Variants in UACA observed in about 807,000 individuals in gnomAD.
UACA encodes the protein nuclear membrane binding protein.
Under a neutral mutation model 160.5 loss-of-function variants are expected in UACA, and 112 were observed. The observed-to-expected ratio is 0.70, with a 90% CI of 0.60 to 0.82. The LOEUF (loss-of-function observed/expected upper bound fraction) is 0.82, where lower values mean the gene tolerates loss of function less well. UACA is among the 40% of genes least tolerant of loss of function. The pLI, the probability that UACA is intolerant of heterozygous loss-of-function variation, is 0.00. For synonymous variants in UACA, 557 were observed against 568.4 expected (o/e 0.98, Z 0.29); for missense variants, 1,574 against 1,614.6 (o/e 0.97, Z 0.43).
chr15:70,760,073 CTCAAA>C (rs1055867612), intron 1 of UACA, among the ~76,000 whole-genome samples: 3 of 151,974 alleles, frequency 2.0e-5, no homozygotes, highest in African/African-American at 7.3e-5. Context: ...AAAATTTTAT[CTCAAA>C]TCAAAGTTGT....
At chr15:70,747,103 T>C (rs953964979) in intron 1 of UACA, among the ~76,000 whole-genome samples, 3 of 152,162 alleles carry the variant, frequency 2.0e-5, no homozygotes, top group East Asian at 1.9e-4. Flanking sequence ...GTTCTGCACA[T>C]GTATCCCAGA....
At position 70,684,309 on chromosome 15, in the gene UACA, T is replaced by A. The variant is rs1897625562; in HGVS notation, c.740A>T (p.Asp247Val). 6.2e-7 allele frequency: 1 copy of A among 1,613,606 alleles called. No homozygotes were observed. The highest frequency in any genetic ancestry group is 8.5e-7 in the Non-Finnish European group (1 of 1,179,782). ...TGCAGTCTTCAACAAGGTTAGAATG[T>A]CCAGATTGTCACCAATTCTTGCATA... Reference protein sequence around the residue: ...SYYARIGDNLDILTLLKTASE... With the variant: ...SYYARIGDNLVILTLLKTASE... Residue 247 changes from aspartate to valine, a missense_variant, in exon 8 of 19, where the codon GAC becomes GTC. Coordinates refer to ENST00000322954, the MANE Select transcript of UACA (RefSeq NM_018003.4).
intron 1 of UACA, among the ~76,000 whole-genome samples, chr15:70,712,933 T>C (rs1376327257): frequency 6.6e-6 from 1 of 152,242 alleles, no homozygotes; most frequent in East Asian, 1.9e-4. Flanking sequence ...CAAACTTTTA[T>C]GAAGCATCTA....
chr15:70,716,952 T>C (rs1360500351), intron 1 of UACA, among the ~76,000 whole-genome samples: 1 of 152,190 alleles, frequency 6.6e-6, no homozygotes, highest in Non-Finnish European at 1.5e-5. Flanking sequence ...CTGGGCACAG[T>C]GGCTTATGCT....
chr15:70,682,499 C>T (rs563367262), intron 9 of UACA, among the ~76,000 whole-genome samples: 16 of 152,184 alleles, frequency 1.1e-4, no homozygotes, highest in South Asian at 8.3e-4. Context: ...TGAATGCTCA[C>T]GGCCCTAATC....
At chr15:70,774,243 G>A in the UACA span, among the ~76,000 whole-genome samples, 1 of 152,032 alleles carries the variant, frequency 6.6e-6, no homozygotes, top group Non-Finnish European at 1.5e-5. Flanking sequence ...CAAACGCTAA[G>A]TTATATCAAT....
At chr15:70,678,403 C>T (rs1897364631) in intron 10 of UACA, among the ~76,000 whole-genome samples, 197 bp from the exon 11 acceptor site, 1 of 151,998 alleles carries the variant, frequency 6.6e-6, no homozygotes, top group Non-Finnish European at 1.5e-5. Flanking sequence ...AATTACTATC[C>T]TATAATAGCT....
intron 7 of UACA, among the ~76,000 whole-genome samples, chr15:70,685,645 C>T (rs753393514): frequency 2.7e-4 from 41 of 152,208 alleles, no homozygotes; most frequent in South Asian, 4.2e-4. Flanking sequence ...ATATACACTG[C>T]CCTGCTTCAT....
chr15:70,669,901 C>A (rs1897076935), intron 15 of UACA, among the ~76,000 whole-genome samples: 1 of 152,064 alleles, frequency 6.6e-6, no homozygotes, highest in African/African-American at 2.4e-5. Context: ...ACAAGTACTG[C>A]GATTTTAAAT....
At chr15:70,671,318 AT>A in intron 14 of UACA, 1 of 310,688 alleles carries the variant, frequency 3.2e-6, no homozygotes, top group East Asian at 5.4e-5. Context: ...TTTTTTTCTT[AT>A]TTTTTTCTAT....
intron 1 of UACA, among the ~76,000 whole-genome samples, chr15:70,713,244 G>A (rs1210235843): frequency 6.6e-6 from 1 of 152,152 alleles, no homozygotes; most frequent in African/African-American, 2.4e-5. Flanking sequence ...CCAGCTACTC[G>A]GGAGGCTGAG....
At chr15:70,775,395 G>A in the UACA span, among the ~76,000 whole-genome samples, 1 of 152,088 alleles carries the variant, frequency 6.6e-6, no homozygotes, top group Non-Finnish European at 1.5e-5. Flanking sequence ...GAACCCTCTG[G>A]CACCACCAGA....
At chr15:70,714,215 T>C (rs1461633192) in intron 1 of UACA, among the ~76,000 whole-genome samples, 2 of 152,198 alleles carry the variant, frequency 1.3e-5, no homozygotes, top group African/African-American at 4.8e-5. Flanking sequence ...GTTCACTGGA[T>C]TGATGATGGC....
chr15:70,666,253 G>A (rs1896898811), intron 16 of UACA, among the ~76,000 whole-genome samples: 1 of 152,162 alleles, frequency 6.6e-6, no homozygotes, highest in Non-Finnish European at 1.5e-5. Context: ...TTCTGGGTGA[G>A]GGGATGTAGA....
chr15:70,692,411 C>T (rs1005541875), intron 3 of UACA, among the ~76,000 whole-genome samples: 3 of 152,100 alleles, frequency 2.0e-5, no homozygotes, highest in African/African-American at 7.2e-5. Flanking sequence ...AATCCTGCTG[C>T]TTTGGTCTCC....
Position 70,667,257 on chromosome 15 carries a change from C to T in UACA, c.3427G>A (p.Glu1143Lys), listed in dbSNP as rs781569828. 13 of 1,613,512 alleles carry T rather than the reference C, an allele frequency of 8.1e-6. No individual in the cohort carries two copies. Among genetic ancestry groups the T allele is most frequent in the African/African-American group, 4.0e-5 (3 of 74,988 alleles). ...TTGGTCACTGTCTGCTGCTCTTTCT[C>T]GTAACACCTTTGCATACTCTTCAGT... is the stretch of plus-strand genomic sequence containing the variant. ...EELKSMQRCY[E>K]KEQQTVTKLH... is the part of the protein sequence containing the mutation. Residue 1143 changes from glutamate to lysine, a missense_variant, in exon 16 of 19, where the codon GAG becomes AAG. Physicochemically the swap from Glu to Lys is moderately conservative, Grantham distance 56. Transcript: ENST00000322954.
rs374456900 is a variant in UACA, at chr15:70,664,858, T to G, written c.3961-44A>C. ...GGAGAAATATATTATTCACTTATCA[T>G]GTACAATGAACATCTTTGTACAGAA... is the stretch of plus-strand genomic sequence containing the variant. On this transcript the variant is annotated intron_variant, in intron 16 of 18. Transcript: ENST00000322954. 3.2e-6 allele frequency: 5 copies of G among 1,540,274 alleles called. No homozygotes were observed. In the Admixed American group the frequency reaches 7.4e-5, roughly 23 times the overall value.
intron 1 of UACA, among the ~76,000 whole-genome samples, chr15:70,741,075 G>T (rs919167551): frequency 6.6e-6 from 1 of 152,008 alleles, no homozygotes; most frequent in Non-Finnish European, 1.5e-5. Context: ...AAAAGGGGGG[G>T]CTGGGCTGAG....
intron 2 of UACA, among the ~76,000 whole-genome samples, chr15:70,695,820 A>G (rs1398713264): frequency 2.0e-5 from 3 of 152,336 alleles, no homozygotes; most frequent in East Asian, 1.9e-4. Flanking sequence ...GCTAGTTAAC[A>G]ATATTTCATT....
Sources: gnomAD v4.1 joint callset for allele counts (sites outside exome capture counted in the v4.1 genomes callset) on GRCh38, gnomAD v4.1.1 for gene constraint, MANE v1.5 for transcripts, NCBI Gene and HGNC (gene_info 2026-07-23, HGNC 2026-07-21) for gene names.